FSTL4: variants seen among roughly 807,000 people sequenced by gnomAD.
FSTL4 encodes follistatin-related protein 4.
FSTL4 carries 28 observed loss-of-function variants against 78.2 expected under a neutral mutation model. That is an observed-to-expected ratio of 0.36 (90% CI 0.27 to 0.49). The LOEUF is 0.49. Among genes scored for constraint, FSTL4 ranks in the 20% least tolerant of loss-of-function variants. The pLI is 0.98. For missense variants in FSTL4, 922 were observed against 1,084.9 expected (o/e 0.85, Z 2.11); for synonymous variants, 422 against 440.5 (o/e 0.96, Z 0.53).
At chr5:133,499,043 T>A (rs1177608970) in intron 3 of FSTL4, among the ~76,000 whole-genome samples, 1 of 147,352 alleles carries the variant, frequency 6.8e-6, no homozygotes, top group Non-Finnish European at 1.5e-5. Flanking sequence ...CGCAGGTAAT[T>A]TTCTAAATAT....
chr5:133,232,205 G>C (rs1269159525), intron 8 of FSTL4, among the ~76,000 whole-genome samples: 1 of 152,156 alleles, frequency 6.6e-6, no homozygotes, highest in Non-Finnish European at 1.5e-5. Context: ...CTGGGCTATG[G>C]GCAAGTTATA....
At chr5:133,334,212 A>T (rs1251534476) in intron 4 of FSTL4, among the ~76,000 whole-genome samples, 1 of 152,230 alleles carries the variant, frequency 6.6e-6, no homozygotes, top group Non-Finnish European at 1.5e-5. Flanking sequence ...TTCCTAGGTG[A>T]TTGCTTCAAG....
At chr5:133,400,319 T>C (rs1339563220) in intron 4 of FSTL4, among the ~76,000 whole-genome samples, 1 of 152,176 alleles carries the variant, frequency 6.6e-6, no homozygotes, top group Non-Finnish European at 1.5e-5. Flanking sequence ...CTGGAAGACA[T>C]TGCGCTGGTG....
the FSTL4 span, among the ~76,000 whole-genome samples, chr5:133,640,847 T>C: frequency 1.3e-5 from 2 of 152,216 alleles, no homozygotes; most frequent in Non-Finnish European, 2.9e-5. Flanking sequence ...GCATTTCTTA[T>C]GTACTTAGGA....
At chr5:133,329,360 G>A (rs1405684472) in intron 4 of FSTL4, among the ~76,000 whole-genome samples, 4 of 151,984 alleles carry the variant, frequency 2.6e-5, no homozygotes, top group African/African-American at 7.3e-5. Context: ...TGTATTAGTC[G>A]GGGTTCTCTT....
At chr5:133,794,956 G>C in the FSTL4 span, among the ~76,000 whole-genome samples, 2 of 152,208 alleles carry the variant, frequency 1.3e-5, no homozygotes, top group Non-Finnish European at 2.9e-5. Flanking sequence ...CTCTAAGCCT[G>C]GGGGGTTTTC....
chr5:133,235,979 G>C (rs1751649430), intron 7 of FSTL4, among the ~76,000 whole-genome samples: 1 of 152,108 alleles, frequency 6.6e-6, no homozygotes, highest in South Asian at 2.1e-4. Flanking sequence ...AAATGGTACA[G>C]CCATTTCAAA....
At chr5:133,564,762 C>T (rs369741465) in intron 3 of FSTL4, among the ~76,000 whole-genome samples, 105 of 152,222 alleles carry the variant, frequency 6.9e-4, no homozygotes, top group African/African-American at 2.0e-3. Context: ...ATGACATCTA[C>T]GGCTGGAGGG....
intron 3 of FSTL4, among the ~76,000 whole-genome samples, chr5:133,446,697 C>A (rs536526408): frequency 3.1e-4 from 47 of 152,344 alleles, no homozygotes; most frequent in African/African-American, 1.1e-3. Context: ...ACAGCCCAGC[C>A]CCCTCCCAAA....
the FSTL4 span, among the ~76,000 whole-genome samples, chr5:133,725,308 G>C: frequency 6.6e-6 from 1 of 152,174 alleles, no homozygotes; most frequent in Non-Finnish European, 1.5e-5. Context: ...GATGAAACTA[G>C]ATCCAGAGAT....
the FSTL4 span, among the ~76,000 whole-genome samples, chr5:133,741,486 C>G: frequency 6.6e-6 from 1 of 152,218 alleles, no homozygotes; most frequent in Non-Finnish European, 1.5e-5. Flanking sequence ...AAAACTTTCT[C>G]GGCAGAGGGT....
chr5:133,642,743 A>G, the FSTL4 span, among the ~76,000 whole-genome samples: 1 of 152,232 alleles, frequency 6.6e-6, no homozygotes, highest in South Asian at 2.1e-4. Flanking sequence ...ATTTTATTGC[A>G]TTATGCTCTT....
chr5:133,575,289 A>G (rs1355673346), intron 2 of FSTL4: 1 of 152,220 alleles, frequency 6.6e-6, no homozygotes, highest in Non-Finnish European at 1.5e-5. Flanking sequence ...TGCTCAACAC[A>G]CATTCGTGAA....
chr5:133,804,215 G>A, the FSTL4 span, among the ~76,000 whole-genome samples: 1 of 152,292 alleles, frequency 6.6e-6, no homozygotes, highest in South Asian at 2.1e-4. Context: ...CCTGGATAAA[G>A]GCAACAAGAC....
At chr5:133,262,373 T>C (rs1752552121) in intron 6 of FSTL4, among the ~76,000 whole-genome samples, 1 of 152,230 alleles carries the variant, frequency 6.6e-6, no homozygotes, top group Admixed American at 6.5e-5. Flanking sequence ...CTTTGCATCC[T>C]GAAAAGACCT....
intron 3 of FSTL4, among the ~76,000 whole-genome samples, chr5:133,415,434 T>C (rs1248594668): frequency 6.6e-6 from 1 of 152,248 alleles, no homozygotes. Context: ...GCAGGTCACA[T>C]TAACCAAAAC....
the FSTL4 span, among the ~76,000 whole-genome samples, chr5:133,729,011 G>A: frequency 6.6e-6 from 1 of 152,222 alleles, no homozygotes; most frequent in Admixed American, 6.5e-5. Context: ...CAGCTCTGAG[G>A]AAAACTGCAT....
rs190407800 is a variant in FSTL4, at chr5:133,535,054, G to A, written c.160+32132C>T. Reference sequence around the variant, plus strand: ...TAAGGTTAACTGTGGTCGTAAGGAGGGGGGTTATCTGACAGGATGGTTGGC... The same window carrying A: ...TAAGGTTAACTGTGGTCGTAAGGAGAGGGGTTATCTGACAGGATGGTTGGC... On this transcript the variant is annotated intron_variant, in intron 3 of 15. Coordinates refer to ENST00000265342, the MANE Select transcript of FSTL4 (RefSeq NM_015082.2). Among the ~76,000 whole-genome samples the A allele has an allele frequency of 3.0e-3, 455 of 152,294 alleles. 3 individuals are homozygous for A. The highest frequency in any genetic ancestry group is 0.011 in the African/African-American group (440 of 41,558).
chr5:133,506,017 A>C (rs1424004369), intron 3 of FSTL4, among the ~76,000 whole-genome samples: 1 of 152,244 alleles, frequency 6.6e-6, no homozygotes, highest in Non-Finnish European at 1.5e-5. Context: ...CTGCCTGCCA[A>C]TGCTGGCAAG....
Sources: gnomAD v4.1 joint callset for allele counts (sites outside exome capture counted in the v4.1 genomes callset) on GRCh38, gnomAD v4.1.1 for gene constraint, MANE v1.5 for transcripts, NCBI Gene and HGNC (gene_info 2026-07-23, HGNC 2026-07-21) for gene names.